The following AGGF1 variants were observed in gnomAD, a reference collection of about 807,000 sequenced individuals.
The protein encoded by AGGF1 is angiogenic factor with G-patch and FHA domains 1, also known as angiogenic factor with G patch and FHA domains 1.
AGGF1 carries 56 observed loss-of-function variants against 86.5 expected under a neutral mutation model. The ratio of observed to expected loss-of-function variants is 0.65; its 90% confidence interval spans 0.52 to 0.81. AGGF1 has a LOEUF of 0.81. Ranked by LOEUF, AGGF1 falls within the 30% of genes least tolerant of loss-of-function variation. The pLI is 0.00. For synonymous variants in AGGF1, 313 were observed against 297.1 expected (o/e 1.05, Z -0.55); for missense variants, 816 against 850.9 (o/e 0.96, Z 0.51).
At chr5:77,042,607 G>A (rs1174817206) in intron 5 of AGGF1, among the ~76,000 whole-genome samples, 1 of 54,108 alleles carries the variant, frequency 1.8e-5, no homozygotes, top group Non-Finnish European at 4.3e-5. Flanking sequence ...CCTCCCTCCC[G>A]GACGTGGCGG....
chr5:77,041,414 A>T (rs992798460), intron 5 of AGGF1, among the ~76,000 whole-genome samples: 1 of 152,014 alleles, frequency 6.6e-6, no homozygotes, highest in Non-Finnish European at 1.5e-5. Context: ...TAAAAATACA[A>T]AAATTAGCCA....
chr5:77,037,935 C>T (rs565262101), intron 4 of AGGF1, among the ~76,000 whole-genome samples: 1 of 152,192 alleles, frequency 6.6e-6, no homozygotes, highest in African/African-American at 2.4e-5. Flanking sequence ...AATTATATTT[C>T]GTTGAAGATT....
In AGGF1 at chr5:77,046,402, A is replaced by G. The variant is rs1747250605; in HGVS notation, c.926A>G (p.Glu309Gly). The change falls in exon 6 of 14, where the codon GAG (glutamate) becomes GGG (glycine). Residue 309 changes from glutamate (E) to glycine (G), a missense_variant. Physicochemically the swap from Glu to Gly is moderately conservative, Grantham distance 98. This residue lies in a region of AGGF1 where 565 missense variants were observed against 585.8 expected (regional missense o/e 0.96). Transcript: ENST00000312916. ...AGTGTTGAACATACAAGCTGCAATG[A>G]GGAAGAAAATTTCGCAAATATGAAA... ...AFSVEHTSCN[E>G]EENFANMKKK... 6.2e-7 allele frequency: 1 copy of G among 1,613,852 alleles called. No individual in the cohort carries two copies. Among genetic ancestry groups the G allele is most frequent in the South Asian group, 1.1e-5 (1 of 91,080 alleles).
intron 1 of AGGF1, among the ~76,000 whole-genome samples, chr5:77,031,604 A>G (rs1379686663): frequency 6.6e-6 from 1 of 152,192 alleles, no homozygotes; most frequent in African/African-American, 2.4e-5. Context: ...CACATTAAAA[A>G]CAACCTTGGC....
Position 77,049,834 on chromosome 5 carries a change from G to A in AGGF1, c.1365+847G>A, listed in dbSNP as rs186682527. Among the ~76,000 whole-genome samples the A allele has an allele frequency of 3.6e-3, 553 of 152,254 alleles. 4 individuals are homozygous for A. Among genetic ancestry groups the A allele is most frequent in the African/African-American group, 0.013 (523 of 41,550 alleles). ...CAAAGTGTTGGGATTACAGGCGTGA[G>A]CCACCGCGTCTGGCTGAGGCTCTTT... On this transcript the variant is annotated intron_variant, in intron 8 of 13. Coordinates refer to ENST00000312916, the MANE Select transcript of AGGF1 (RefSeq NM_018046.5).
rs1742765574 is a variant in AGGF1, at chr5:77,064,802, A to G, written c.*1550A>G. 1 of 152,176 alleles carries G rather than the reference A, an allele frequency of 6.6e-6. No homozygotes were observed. The highest frequency in any genetic ancestry group is 1.5e-5 in the Non-Finnish European group (1 of 68,034). The allele number at this position is 152,176 out of a possible 1,614,324, so 9.4% of individuals were successfully genotyped here. A position where few individuals can be genotyped will look rare whatever the true frequency, so the allele number is the denominator to read the frequency against. On this transcript the variant is annotated 3_prime_UTR_variant, in exon 14 of 14. Coordinates refer to ENST00000312916, the MANE Select transcript of AGGF1 (RefSeq NM_018046.5). ...TATGTAACAATATAGGACCCCTCCAAATAGGTTTTGCTTCTGGTGAATCTT... is the reference window on the plus strand; with the variant it reads ...TATGTAACAATATAGGACCCCTCCAGATAGGTTTTGCTTCTGGTGAATCTT...
chr5:77,041,597 A>G (rs937427677), intron 5 of AGGF1, among the ~76,000 whole-genome samples: 4 of 149,234 alleles, frequency 2.7e-5, no homozygotes, highest in Non-Finnish European at 5.9e-5. Context: ...GAAGAAGGCT[A>G]GGTTGTGAAA....
intron 10 of AGGF1, among the ~76,000 whole-genome samples, chr5:77,054,406 A>G (rs1462263184): frequency 6.6e-6 from 1 of 152,212 alleles, no homozygotes; most frequent in East Asian, 1.9e-4. Flanking sequence ...TTTTCTGTGT[A>G]ATAATTTAGC....
chr5:77,046,717 G>A, intron 6 of AGGF1, 40 bp downstream of exon 6: 1 of 1,576,624 alleles, frequency 6.3e-7, no homozygotes, highest in Admixed American at 1.7e-5. Context: ...AGCCCAGTCT[G>A]GTAACTATAA....
intron 5 of AGGF1, among the ~76,000 whole-genome samples, chr5:77,040,331 A>G (rs1037154907): frequency 1.3e-5 from 2 of 151,852 alleles, no homozygotes; most frequent in African/African-American, 2.4e-5. Context: ...GCTCGTCTCG[A>G]ACTCCTGACC....
intron 13 of AGGF1, 56 bp from the exon 14 acceptor site, chr5:77,062,996 A>C: frequency 6.3e-7 from 1 of 1,582,692 alleles, no homozygotes; most frequent in Non-Finnish European, 8.7e-7. Context: ...TGGACACAGC[A>C]GATTTCAATG....
intron 11 of AGGF1, among the ~76,000 whole-genome samples, chr5:77,056,164 A>G (rs547798870): frequency 1.3e-4 from 19 of 151,256 alleles, no homozygotes; most frequent in Non-Finnish European, 2.2e-4. Flanking sequence ...AGATCCATGT[A>G]TATGTGTGGA....
chr5:77,031,314 A>C lies in AGGF1; in HGVS notation c.210+338A>C, dbSNP rs987126074. Among the ~76,000 whole-genome samples the C allele has an allele frequency of 8.5e-5, 13 of 152,362 alleles. No homozygotes were observed. The East Asian group carries it at 2.5e-3, about 29-fold the overall frequency. The stretch of plus-strand genomic sequence containing the variant: ...TTTATTAAAATGCTGGACTTGAGTC[A>C]GAATCCCATCTCTGCTATTCACTGG... On this transcript the variant is annotated intron_variant, in intron 1 of 13. Transcript: ENST00000312916.
chr5:77,036,481 G>T, intron 3 of AGGF1, 75 bp from the exon 4 acceptor site: 1 of 1,470,856 alleles, frequency 6.8e-7, no homozygotes, highest in Non-Finnish European at 9.5e-7. Context: ...ATAGTCTCAG[G>T]TCTTGAGTTC....
chr5:77,051,138 T>C (rs1484826358), intron 8 of AGGF1, among the ~76,000 whole-genome samples: 5 of 151,766 alleles, frequency 3.3e-5, no homozygotes, highest in Non-Finnish European at 7.4e-5. Context: ...CTAATAAATA[T>C]TAAGAGTTTG....
chr5:77,048,469 A>T (rs1747310897), intron 7 of AGGF1, among the ~76,000 whole-genome samples, 197 bp downstream of exon 7: 1 of 152,086 alleles, frequency 6.6e-6, no homozygotes, highest in Non-Finnish European at 1.5e-5. Context: ...CTCCTGCCTC[A>T]GCCTCCTGAG....
chr5:77,054,234 G>T, intron 10 of AGGF1, 104 bp downstream of exon 10: 3 of 1,317,246 alleles, frequency 2.3e-6, no homozygotes, highest in Non-Finnish European at 3.3e-6. Flanking sequence ...TAATTGATAC[G>T]ATACTGCATT....
At chr5:77,032,387 A>G (rs1301707692) in intron 1 of AGGF1, among the ~76,000 whole-genome samples, 1 of 151,708 alleles carries the variant, frequency 6.6e-6, no homozygotes, top group African/African-American at 2.4e-5. Context: ...CTAACACAGT[A>G]AAACCCTGTC....
chr5:77,030,556 G>A lies in AGGF1; in HGVS notation c.-211G>A, dbSNP rs1357938654. ...GTTTGCAGGCCGCGCACATCGGGCA[G>A]GGGCCATCCTCGGTCCCCTTGCTCG... On this transcript the variant is annotated 5_prime_UTR_variant, in exon 1 of 14. Coordinates refer to ENST00000312916, the MANE Select transcript of AGGF1 (RefSeq NM_018046.5). 1 of 705,528 alleles carries A rather than the reference G, an allele frequency of 1.4e-6. No individual in the cohort carries two copies. The highest frequency in any genetic ancestry group is 2.7e-5 in the East Asian group (1 of 36,680). 43.7% of individuals were successfully genotyped at this position (705,528 alleles called of 1,614,324 possible).
Sources: gnomAD v4.1 joint callset for allele counts (sites outside exome capture counted in the v4.1 genomes callset) on GRCh38, gnomAD v4.1.1 for gene constraint, gnomAD v4.1.1 regional missense constraint, MANE v1.5 for transcripts, NCBI Gene and HGNC (gene_info 2026-07-23, HGNC 2026-07-21) for gene names.